CACNB4: variants seen among roughly 807,000 people sequenced by gnomAD.
CACNB4 encodes voltage-dependent L-type calcium channel subunit beta-4.
In CACNB4, 32 loss-of-function variants were observed where a neutral mutation model predicts 71.2. That is an observed-to-expected ratio of 0.45 (90% CI 0.34 to 0.60). The LOEUF (loss-of-function observed/expected upper bound fraction) is 0.60, where lower values mean the gene tolerates loss of function less well. Among genes scored for constraint, CACNB4 ranks in the 20% least tolerant of loss-of-function variants. The pLI, the probability that CACNB4 is intolerant of heterozygous loss-of-function variation, is 0.01. For synonymous variants in CACNB4, 231 were observed against 236.9 expected (o/e 0.97, Z 0.23); for missense variants, 464 against 647.9 (o/e 0.72, Z 3.08).
chr2:151,974,615 C>A (rs750892254), intron 2 of CACNB4, among the ~76,000 whole-genome samples: 8 of 152,144 alleles, frequency 5.3e-5, no homozygotes, highest in Non-Finnish European at 2.9e-5. Context: ...AATGTCTTCA[C>A]GTAAATTCTT....
At chr2:152,083,510 A>G (rs999152062) in intron 2 of CACNB4, among the ~76,000 whole-genome samples, 1 of 152,224 alleles carries the variant, frequency 6.6e-6, no homozygotes, top group African/African-American at 2.4e-5. Flanking sequence ...TGCTACCACA[A>G]TAACGGGTGC....
chr2:151,952,001 C>T (rs546532220), intron 2 of CACNB4, among the ~76,000 whole-genome samples: 2 of 152,282 alleles, frequency 1.3e-5, no homozygotes, highest in East Asian at 3.9e-4. Flanking sequence ...GTGTCATTTA[C>T]CTTCTCTGTG....
chr2:151,950,585 A>G (rs1350580170), intron 2 of CACNB4, among the ~76,000 whole-genome samples: 1 of 152,264 alleles, frequency 6.6e-6, no homozygotes, highest in African/African-American at 2.4e-5. Flanking sequence ...GCTCATCAGC[A>G]GATGAATGTG....
At chr2:152,078,866 G>A (rs1687184369) in intron 2 of CACNB4, among the ~76,000 whole-genome samples, 1 of 152,030 alleles carries the variant, frequency 6.6e-6, no homozygotes, top group African/African-American at 2.4e-5. Flanking sequence ...AATATATATT[G>A]ATCTTTTGGT....
chr2:152,052,946 C>T (rs1013204451), intron 2 of CACNB4, among the ~76,000 whole-genome samples: 3 of 151,898 alleles, frequency 2.0e-5, no homozygotes, highest in Non-Finnish European at 4.4e-5. Context: ...CACGCCACTG[C>T]ACTCCAGCCT....
At chr2:152,079,791 A>G (rs1579259908) in intron 2 of CACNB4, among the ~76,000 whole-genome samples, 1 of 152,298 alleles carries the variant, frequency 6.6e-6, no homozygotes, top group East Asian at 1.9e-4. Context: ...GTCTCAAAAA[A>G]ATAAAAAAAT....
At chr2:152,001,132 G>A (rs942905805) in intron 2 of CACNB4, among the ~76,000 whole-genome samples, 4 of 152,272 alleles carry the variant, frequency 2.6e-5, no homozygotes, top group East Asian at 1.9e-4. Flanking sequence ...CAAAGGTCAC[G>A]GTCAGTAAGT....
chr2:151,883,049 A>C, intron 3 of CACNB4: 3 of 565,704 alleles, frequency 5.3e-6, no homozygotes, highest in Non-Finnish European at 6.3e-6. Context: ...AAATACAAAA[A>C]GGTGAAGGTT....
intron 2 of CACNB4, among the ~76,000 whole-genome samples, chr2:151,959,482 G>T (rs1022085482): frequency 1.3e-5 from 2 of 152,164 alleles, no homozygotes; most frequent in African/African-American, 4.8e-5. Context: ...CATTTGAGTT[G>T]GCTGCTGGCT....
intron 12 of CACNB4, among the ~76,000 whole-genome samples, chr2:151,844,658 T>C (rs1353922916): frequency 6.6e-6 from 1 of 152,132 alleles, no homozygotes; most frequent in Non-Finnish European, 1.5e-5. Context: ...TGCTTTGACA[T>C]AAATAGAGGC....
chr2:151,915,987 G>GGGGGGAGGGGGTTCCCCTGCCC lies in CACNB4; in HGVS notation c.148-32639_148-32618dup, dbSNP rs2099857418. On this transcript the variant is annotated intron_variant, in intron 2 of 13. Transcript: ENST00000539935. ...CGCTCACTCACCACCTCCCTTGGCTGGGGGGAGGGGGTTCCCCTGCCCCGT... is the reference window on the plus strand; with the variant it reads ...CGCTCACTCACCACCTCCCTTGGCTGGGGGGAGGGGGTTCCCCTGCCCGGGGGAGGGGGTTCCCCTGCCCCGT... Among the ~76,000 whole-genome samples the GGGGGGAGGGGGTTCCCCTGCCC allele has an allele frequency of 7.5e-5, 4 of 53,120 alleles. No individual in the cohort carries two copies. In the Admixed American group the frequency reaches 8.8e-4, roughly 12 times the overall value. The allele number at this position is 53,120 out of a possible 152,430, so 34.8% of individuals were successfully genotyped here. A position where few individuals can be genotyped will look rare whatever the true frequency, so the allele number is the denominator to read the frequency against.
At chr2:151,865,784 C>CT (rs1553751748) in intron 9 of CACNB4, 44 of 144,194 alleles carry the variant, frequency 3.1e-4, no homozygotes, top group African/African-American at 1.0e-3. Flanking sequence ...TTCTTTCTTT[C>CT]TTTTTTTTTT....
At chr2:151,999,301 C>A (rs1682260141) in intron 2 of CACNB4, among the ~76,000 whole-genome samples, 1 of 151,986 alleles carries the variant, frequency 6.6e-6, no homozygotes, top group African/African-American at 2.4e-5. Flanking sequence ...GTCCCATCTG[C>A]TGGTACCTTC....
intron 2 of CACNB4, among the ~76,000 whole-genome samples, chr2:152,061,321 ATTAAT>A (rs1010138679): frequency 6.6e-5 from 10 of 152,184 alleles, no homozygotes; most frequent in African/African-American, 2.4e-4. Flanking sequence ...CTAAAAAAAA[ATTAAT>A]TTAGTTTTTA....
rs566259719 is a variant in CACNB4 at position 151,899,411 on chromosome 2, C to T, written c.148-16041G>A. Among the ~76,000 whole-genome samples the T allele has an allele frequency of 2.2e-3, 331 of 152,208 alleles. 3 individuals are homozygous for T. The highest frequency in any genetic ancestry group is 7.5e-3 in the African/African-American group (312 of 41,528). On this transcript the variant is annotated intron_variant, in intron 2 of 13. Transcript: ENST00000539935. ...ATAAAGGGGCCTCAGAGATACTTCCCTTATATAACTTCCCCAGGGCAAATA... is the reference window on the plus strand; with the variant it reads ...ATAAAGGGGCCTCAGAGATACTTCCTTTATATAACTTCCCCAGGGCAAATA...
chr2:151,883,167 C>T (rs1177395781), intron 3 of CACNB4, 84 bp downstream of exon 3: 2 of 1,378,212 alleles, frequency 1.5e-6, no homozygotes, highest in Admixed American at 3.4e-5. Flanking sequence ...ATGATTATTC[C>T]AGAAATGTGA....
At chr2:152,097,259 T>A (rs535505496) in intron 2 of CACNB4, among the ~76,000 whole-genome samples, 2 of 152,298 alleles carry the variant, frequency 1.3e-5, no homozygotes, top group South Asian at 4.1e-4. Flanking sequence ...AATTCCTCGT[T>A]GATATGTTTA....
intron 2 of CACNB4, among the ~76,000 whole-genome samples, chr2:152,057,886 T>C (rs536586831): frequency 9.2e-5 from 14 of 152,342 alleles, no homozygotes; most frequent in Admixed American, 2.0e-4. Context: ...TGATATGGTT[T>C]GGCTGTGTCC....
chr2:151,909,803 A>G (rs184917738), intron 2 of CACNB4, among the ~76,000 whole-genome samples: 4 of 152,284 alleles, frequency 2.6e-5, no homozygotes, highest in Admixed American at 6.5e-5. Flanking sequence ...TATCCAGTCT[A>G]TGATTGATGG....
Sources: allele counts gnomAD v4.1 joint callset (sites outside exome capture counted in the v4.1 genomes callset), GRCh38; gene constraint gnomAD v4.1.1; transcripts MANE v1.5; gene names NCBI Gene and HGNC (gene_info 2026-07-23, HGNC 2026-07-21).